PRIM2: variants seen among roughly 807,000 people sequenced by gnomAD.
PRIM2 encodes DNA primase subunit 2, also known as DNA primase large subunit.
In PRIM2, 39 loss-of-function variants were observed where a neutral mutation model predicts 67.3. That is an observed-to-expected ratio of 0.58 (90% CI 0.45 to 0.76). PRIM2 has a LOEUF of 0.76. PRIM2 is among the 30% of genes least tolerant of loss of function. PRIM2 has a pLI of 0.00. For missense variants in PRIM2, 398 were observed against 598.7 expected (o/e 0.66, Z 3.50); for synonymous variants, 143 against 198.7 (o/e 0.72, Z 2.36).
the PRIM2 span, among the ~76,000 whole-genome samples, chr6:57,294,146 G>T: frequency 6.6e-6 from 1 of 152,028 alleles, no homozygotes; most frequent in Non-Finnish European, 1.5e-5. Flanking sequence ...ATTGCAGGAG[G>T]TCCACAATAT....
At chr6:57,379,663 G>A (rs545322625) in intron 5 of PRIM2, among the ~76,000 whole-genome samples, 16 of 152,068 alleles carry the variant, frequency 1.1e-4, no homozygotes, top group Admixed American at 5.9e-4. Context: ...TTCTTTTGAT[G>A]TATACCTTCA....
intron 7 of PRIM2, among the ~76,000 whole-genome samples, chr6:57,401,435 T>C (rs1770705037): frequency 6.6e-6 from 1 of 152,174 alleles, no homozygotes; most frequent in South Asian, 2.1e-4. Flanking sequence ...AGGTGACATT[T>C]AGGCATATTA....
At chr6:57,541,935 C>T (rs1217401012) in intron 10 of PRIM2, among the ~76,000 whole-genome samples, 33 of 151,214 alleles carry the variant, frequency 2.2e-4, no homozygotes, top group African/African-American at 8.0e-4. Context: ...CTGGGCATCT[C>T]ATGGCCCAGT....
intron 5 of PRIM2, among the ~76,000 whole-genome samples, chr6:57,327,885 G>A (rs1767920747): frequency 6.6e-6 from 1 of 152,106 alleles, no homozygotes; most frequent in Non-Finnish European, 1.5e-5. Flanking sequence ...GGATGGGGAG[G>A]GGTGTGGATG....
intron 7 of PRIM2, among the ~76,000 whole-genome samples, chr6:57,412,521 G>A (rs1266969221): frequency 6.6e-6 from 1 of 151,740 alleles, no homozygotes; most frequent in Non-Finnish European, 1.5e-5. Context: ...TTTATGGAAC[G>A]GCTTTTATCT....
At chr6:57,600,257 T>A (rs1379782441) in intron 10 of PRIM2, among the ~76,000 whole-genome samples, 1 of 152,140 alleles carries the variant, frequency 6.6e-6, no homozygotes, top group Non-Finnish European at 1.5e-5. Context: ...AGGCAAGGAT[T>A]CTGGGTAGGA....
chr6:57,233,922 C>T, the PRIM2 span, among the ~76,000 whole-genome samples: 1 of 152,102 alleles, frequency 6.6e-6, no homozygotes, highest in African/African-American at 2.4e-5. Flanking sequence ...CTTGGCCTCC[C>T]AAAGTATTGG....
the PRIM2 span, among the ~76,000 whole-genome samples, chr6:57,231,550 A>T: frequency 6.6e-6 from 1 of 152,224 alleles, no homozygotes; most frequent in Non-Finnish European, 1.5e-5. Flanking sequence ...GAAATGAAAG[A>T]TAATAGCCTA....
intron 10 of PRIM2, among the ~76,000 whole-genome samples, chr6:57,581,282 G>A (rs1474527722): frequency 2.0e-5 from 3 of 152,040 alleles, no homozygotes; most frequent in Non-Finnish European, 4.4e-5. Flanking sequence ...TGGTTTTCTG[G>A]TGATACTTGT....
chr6:57,251,437 T>C, the PRIM2 span, among the ~76,000 whole-genome samples: 10 of 152,238 alleles, frequency 6.6e-5, no homozygotes, highest in African/African-American at 2.4e-4. Context: ...TGCAGTCATT[T>C]GGTGGCTCAT....
chr6:57,343,814 G>T (rs542802543), intron 5 of PRIM2, among the ~76,000 whole-genome samples: 1 of 152,294 alleles, frequency 6.6e-6, no homozygotes, highest in East Asian at 1.9e-4. Flanking sequence ...ATTCAAAGGG[G>T]CTACTATAAT....
chr6:57,634,297 C>T (rs1777083505), intron 13 of PRIM2, among the ~76,000 whole-genome samples: 1 of 152,228 alleles, frequency 6.6e-6, no homozygotes, highest in South Asian at 2.1e-4. Flanking sequence ...AGATCTGGAG[C>T]TAGAGCCCCA....
intron 7 of PRIM2, among the ~76,000 whole-genome samples, chr6:57,426,548 C>G (rs1303153115): frequency 2.6e-5 from 4 of 152,122 alleles, no homozygotes; most frequent in African/African-American, 7.2e-5. Context: ...TGCTAGTCAT[C>G]GAGGAAATGC....
the PRIM2 span, among the ~76,000 whole-genome samples, chr6:57,257,052 T>G: frequency 6.6e-6 from 1 of 152,208 alleles, no homozygotes; most frequent in Non-Finnish European, 1.5e-5. Context: ...TTTGTTTTTC[T>G]TGGGGCAGCT....
At chr6:57,582,978 C>T (rs1367981993) in intron 10 of PRIM2, among the ~76,000 whole-genome samples, 2,676 of 127,380 alleles carry the variant, frequency 0.021, 87 homozygotes, top group African/African-American at 0.075. Flanking sequence ...TGATGTTCCC[C>T]TTCCTGTGTC....
intron 10 of PRIM2, among the ~76,000 whole-genome samples, chr6:57,541,551 G>C (rs1197419014): frequency 2.6e-5 from 4 of 152,182 alleles, no homozygotes; most frequent in Non-Finnish European, 5.9e-5. Context: ...TAGTTGTTAA[G>C]TGTTTGGGGA....
intron 10 of PRIM2, among the ~76,000 whole-genome samples, chr6:57,596,962 CT>C (rs1259776821): frequency 2.0e-5 from 3 of 151,866 alleles, no homozygotes; most frequent in South Asian, 2.1e-4. Context: ...GTTAAAATCC[CT>C]TGAAGCATAT....
chr6:57,454,558 T>G (rs1427338320), intron 7 of PRIM2, among the ~76,000 whole-genome samples: 2 of 152,226 alleles, frequency 1.3e-5, no homozygotes, highest in Non-Finnish European at 2.9e-5. Context: ...TCTTCTAGAT[T>G]CTCTAGTTTG....
chr6:57,461,011 G>C (rs1772985918), intron 7 of PRIM2, among the ~76,000 whole-genome samples: 1 of 152,104 alleles, frequency 6.6e-6, no homozygotes, highest in African/African-American at 2.4e-5. Context: ...CTCATCTCAA[G>C]ACAGATAAAA....
Sources: gnomAD v4.1 joint callset for allele counts (sites outside exome capture counted in the v4.1 genomes callset) on GRCh38, gnomAD v4.1.1 for gene constraint, MANE v1.5 for transcripts, NCBI Gene and HGNC (gene_info 2026-07-23, HGNC 2026-07-21) for gene names.